TNR: variants seen among roughly 807,000 people sequenced by gnomAD.
The protein encoded by TNR is tenascin-R.
In TNR, 45 loss-of-function variants were observed where a neutral mutation model predicts 150.4. The ratio of observed to expected loss-of-function variants is 0.30; its 90% CI spans 0.24 to 0.38. The LOEUF is 0.38. TNR is among the 10% of genes least tolerant of loss of function. The pLI, the probability that TNR is intolerant of heterozygous loss-of-function variation, is 1.00. For missense variants in TNR, 1,544 were observed against 1,759.1 expected, an observed-to-expected ratio of 0.88 and a Z score of 2.19; for synonymous variants, 687 against 678.4, an observed-to-expected ratio of 1.01 and a Z score of -0.20.
chr1:175,425,057 C>G (rs1654913091), intron 2 of TNR, among the ~76,000 whole-genome samples: 1 of 152,162 alleles, frequency 6.6e-6, no homozygotes, highest in Middle Eastern at 3.4e-3. Flanking sequence ...ATAAGCAGAC[C>G]TCAAGGCTCA....
intron 2 of TNR, among the ~76,000 whole-genome samples, chr1:175,478,607 C>T (rs1256752268): frequency 6.6e-6 from 1 of 150,762 alleles, no homozygotes; most frequent in Non-Finnish European, 1.5e-5. Flanking sequence ...AGCCTCCCTA[C>T]ATTAAAAAAA....
At chr1:175,379,922 T>TAG (rs1652594493) in intron 8 of TNR, among the ~76,000 whole-genome samples, 185 bp from the exon 9 acceptor site, 1 of 152,178 alleles carries the variant, frequency 6.6e-6, no homozygotes, top group African/African-American at 2.4e-5. Flanking sequence ...TTGGGCAGGT[T>TAG]AGAGTGATAC....
At chr1:175,469,533 T>G (rs1480838193) in intron 2 of TNR, among the ~76,000 whole-genome samples, 1 of 151,848 alleles carries the variant, frequency 6.6e-6, no homozygotes, top group Non-Finnish European at 1.5e-5. Context: ...GGTTGGCATG[T>G]GGGTTAGCAC....
chr1:175,560,186 C>A (rs1661364976), intron 1 of TNR, among the ~76,000 whole-genome samples: 1 of 152,202 alleles, frequency 6.6e-6, no homozygotes, highest in Admixed American at 6.5e-5. Flanking sequence ...TTTAGTTCTA[C>A]CCCTGTTGAA....
chr1:175,636,950 A>G (rs1420850284), intron 1 of TNR, among the ~76,000 whole-genome samples: 2 of 152,366 alleles, frequency 1.3e-5, no homozygotes, highest in Middle Eastern at 3.4e-3. Context: ...ATTTATACCA[A>G]TAATGAAGAA....
At chr1:175,702,847 TG>T (rs550232859) in intron 1 of TNR, among the ~76,000 whole-genome samples, 3 of 152,338 alleles carry the variant, frequency 2.0e-5, no homozygotes, top group African/African-American at 7.2e-5. Flanking sequence ...AGGGTAAAAA[TG>T]TGCTTGAAAC....
At chr1:175,330,376 GGTT>G (rs1649677137) in intron 20 of TNR, 141 bp from the exon 21 acceptor site, 1 of 898,650 alleles carries the variant, frequency 1.1e-6, no homozygotes, top group Non-Finnish European at 1.6e-6. Flanking sequence ...GTGCTTCACA[GGTT>G]GTTATCAAAT....
intron 2 of TNR, among the ~76,000 whole-genome samples, chr1:175,409,420 A>C (rs1654107422): frequency 6.6e-6 from 1 of 152,192 alleles, no homozygotes; most frequent in East Asian, 1.9e-4. Context: ...GTTAGGTCCT[A>C]CACTTTTAGG....
At chr1:175,529,877 T>A (rs191532958) in intron 1 of TNR, among the ~76,000 whole-genome samples, 1 of 152,348 alleles carries the variant, frequency 6.6e-6, no homozygotes, top group Admixed American at 6.5e-5. Context: ...AAAAAAATTA[T>A]GAAAATCCCC....
chr1:175,714,458 C>A (rs571057784), intron 1 of TNR, among the ~76,000 whole-genome samples: 1 of 152,320 alleles, frequency 6.6e-6, no homozygotes, highest in South Asian at 2.1e-4. Flanking sequence ...TCCTCCCTCC[C>A]TCACCCCAGC....
chr1:175,661,988 C>T, intron 1 of TNR, among the ~76,000 whole-genome samples: 1 of 152,072 alleles, frequency 6.6e-6, no homozygotes, highest in Non-Finnish European at 1.5e-5. Context: ...GCTTTCATCC[C>T]CAGCCCCTGA....
chr1:175,517,369 C>A (rs116453705), intron 2 of TNR, among the ~76,000 whole-genome samples: 2,098 of 152,240 alleles, frequency 0.014, 54 homozygotes, highest in African/African-American at 0.047. Flanking sequence ...CACCCATGTG[C>A]AGATGGAGGA....
intron 21 of TNR, among the ~76,000 whole-genome samples, chr1:175,328,909 A>C (rs1649562752): frequency 6.6e-6 from 1 of 152,254 alleles, no homozygotes; most frequent in Non-Finnish European, 1.5e-5. Flanking sequence ...TAATCTTAGA[A>C]GTGAATAGCG....
In TNR at chr1:175,318,980, A is replaced by C. The variant is rs899357569; in HGVS notation, c.*4377T>G. 1 of 152,236 alleles carries C rather than the reference A, an allele frequency of 6.6e-6. No individual in the cohort carries two copies. Among genetic ancestry groups the C allele is most frequent in the African/African-American group, 2.4e-5 (1 of 41,460 alleles). 9.4% of individuals were successfully genotyped at this position (152,236 alleles called of 1,614,324 possible). On this transcript the variant is annotated 3_prime_UTR_variant, in exon 23 of 23. Coordinates refer to ENST00000367674, the MANE Select transcript of TNR (RefSeq NM_003285.3). ...ATTTTGAATCTTTCAGAGGTTTCTTAATAAAAATTTAAGAGTGGACAGTGA... is the reference window on the plus strand; with the variant it reads ...ATTTTGAATCTTTCAGAGGTTTCTTCATAAAAATTTAAGAGTGGACAGTGA...
chr1:175,362,886 T>C, intron 13 of TNR, 77 bp from the exon 14 acceptor site: 1 of 1,567,420 alleles, frequency 6.4e-7, no homozygotes, highest in Non-Finnish European at 8.7e-7. Flanking sequence ...TCTATGTCAA[T>C]AAAGCACAGA....
chr1:175,652,222 T>C (rs1350423017), intron 1 of TNR, among the ~76,000 whole-genome samples: 3 of 149,404 alleles, frequency 2.0e-5, no homozygotes, highest in African/African-American at 7.3e-5. Flanking sequence ...AATATATACA[T>C]ATATATGAAC....
chr1:175,474,412 C>A (rs191205997), intron 2 of TNR, among the ~76,000 whole-genome samples: 3 of 152,130 alleles, frequency 2.0e-5, no homozygotes, highest in Non-Finnish European at 4.4e-5. Context: ...GACCACAAAC[C>A]AAGCAGAGAG....
At chr1:175,397,143 T>C (rs1653465933) in intron 4 of TNR, among the ~76,000 whole-genome samples, 1 of 152,232 alleles carries the variant, frequency 6.6e-6, no homozygotes, top group South Asian at 2.1e-4. Flanking sequence ...AAGTAAATTA[T>C]ATTAAAAATA....
intron 1 of TNR, among the ~76,000 whole-genome samples, chr1:175,668,592 C>T (rs929909858): frequency 3.9e-5 from 6 of 152,118 alleles, no homozygotes; most frequent in Admixed American, 1.3e-4. Flanking sequence ...CTGGCTGTCA[C>T]GAATACTGAC....
Sources: gnomAD v4.1 joint callset for allele counts (sites outside exome capture counted in the v4.1 genomes callset) on GRCh38, gnomAD v4.1.1 for gene constraint, MANE v1.5 for transcripts, NCBI Gene and HGNC (gene_info 2026-07-23, HGNC 2026-07-21) for gene names.